The following MACROD2 variants were observed in gnomAD, a reference collection of about 807,000 sequenced individuals.
MACROD2 encodes mono-ADP ribosylhydrolase 2, also known as ADP-ribose glycohydrolase MACROD2.
Under a neutral mutation model 70.4 loss-of-function variants are expected in MACROD2, and 36 were observed. The observed-to-expected ratio is 0.51, with a 90% CI of 0.39 to 0.68. The LOEUF is 0.68. MACROD2 is among the 30% of genes least tolerant of loss of function. The pLI is 0.00. For missense variants in MACROD2, 496 were observed against 538.4 expected, an observed-to-expected ratio of 0.92 and a Z score of 0.78; for synonymous variants, 172 against 178.8, an observed-to-expected ratio of 0.96 and a Z score of 0.30.
chr20:15,551,337 TAA>T (rs149415845), intron 8 of MACROD2, among the ~76,000 whole-genome samples: 3,162 of 143,552 alleles, frequency 0.022, 124 homozygotes, highest in African/African-American at 0.071. Flanking sequence ...ATTTAATATT[TAA>T]AAAAAAAAAA....
At chr20:15,013,354 A>G (rs943717546) in intron 5 of MACROD2, among the ~76,000 whole-genome samples, 8 of 152,100 alleles carry the variant, frequency 5.3e-5, no homozygotes, top group African/African-American at 1.9e-4. Flanking sequence ...TGTGGCAAAT[A>G]TATTCTTGCT....
intron 6 of MACROD2, among the ~76,000 whole-genome samples, chr20:15,252,619 C>T (rs2077165674): frequency 6.6e-6 from 1 of 152,176 alleles, no homozygotes; most frequent in African/African-American, 2.4e-5. Flanking sequence ...ATAATCCTCC[C>T]TCAGGAAAAA....
chr20:15,714,070 C>T (rs2050672291), intron 8 of MACROD2, among the ~76,000 whole-genome samples: 2 of 150,986 alleles, frequency 1.3e-5, no homozygotes, highest in Admixed American at 1.3e-4. Context: ...GGTTTATAAC[C>T]ATGCCCCACC....
chr20:14,642,375 G>A (rs941359577), intron 4 of MACROD2, among the ~76,000 whole-genome samples: 1 of 152,128 alleles, frequency 6.6e-6, no homozygotes, highest in Admixed American at 6.6e-5. Flanking sequence ...TATCATTCGT[G>A]TGTTCACTGG....
In MACROD2 at chr20:14,297,490, G is replaced by A. The variant is rs943133800; in HGVS notation, c.272-195989G>A. ...GGAAAACAGCTTTACTGCTAATGTG[G>A]AGAAAGTTTGAGTGGTCTGGAAAGA... On this transcript the variant is annotated intron_variant, in intron 3 of 17. Transcript: ENST00000684519. Among the ~76,000 whole-genome samples, 10 of 151,996 alleles carry A rather than the reference G, an allele frequency of 6.6e-5. 1 individual carries two copies. The highest frequency in any genetic ancestry group is 2.4e-4 in the African/African-American group (10 of 41,342).
At chr20:14,908,284 T>A (rs558071294) in intron 5 of MACROD2, among the ~76,000 whole-genome samples, 123 of 152,218 alleles carry the variant, frequency 8.1e-4, no homozygotes, top group Admixed American at 3.4e-3. Context: ...GCGGTTGCAG[T>A]GAGCTGAGAT....
At chr20:14,573,078 T>C (rs1330976447) in intron 4 of MACROD2, among the ~76,000 whole-genome samples, 2 of 151,460 alleles carry the variant, frequency 1.3e-5, no homozygotes, top group Non-Finnish European at 2.9e-5. Context: ...TTTTGCATAG[T>C]GTTTAGTGTG....
chr20:15,249,885 G>A (rs997901471), intron 6 of MACROD2, among the ~76,000 whole-genome samples: 18 of 152,202 alleles, frequency 1.2e-4, no homozygotes, highest in African/African-American at 3.9e-4. Flanking sequence ...AATAATTGTG[G>A]TTATTTAAGA....
chr20:15,027,824 C>T (rs6131629), intron 5 of MACROD2, among the ~76,000 whole-genome samples: 52,373 of 151,714 alleles, frequency 0.35, 9,102 homozygotes, highest in Admixed American at 0.44. Context: ...ATCTAAATAT[C>T]TCAAAATTAT....
intron 5 of MACROD2, among the ~76,000 whole-genome samples, chr20:14,858,086 G>T (rs2073275342): frequency 6.6e-6 from 1 of 152,148 alleles, no homozygotes; most frequent in Non-Finnish European, 1.5e-5. Flanking sequence ...CCTCCAAAGT[G>T]CTGGGATTAC....
At chr20:15,095,776 C>T (rs556132252) in intron 5 of MACROD2, among the ~76,000 whole-genome samples, 5 of 152,072 alleles carry the variant, frequency 3.3e-5, no homozygotes, top group African/African-American at 9.7e-5. Flanking sequence ...CTTGGCCTCC[C>T]GAAGTGCTGG....
chr20:14,908,149 G>T (rs2073982034), intron 5 of MACROD2, among the ~76,000 whole-genome samples: 1 of 152,088 alleles, frequency 6.6e-6, no homozygotes, highest in South Asian at 2.1e-4. Context: ...TTCGAGACCA[G>T]TCTGGCCAAC....
chr20:14,702,130 A>G (rs1372809297), intron 5 of MACROD2, among the ~76,000 whole-genome samples: 1 of 151,976 alleles, frequency 6.6e-6, no homozygotes, highest in African/African-American at 2.4e-5. Flanking sequence ...TCTAATGAAA[A>G]CTGATGATGC....
At chr20:15,572,825 C>T (rs113037643) in intron 8 of MACROD2, among the ~76,000 whole-genome samples, 18 of 152,000 alleles carry the variant, frequency 1.2e-4, no homozygotes, top group African/African-American at 3.9e-4. Context: ...ACATGCAAAG[C>T]CTGAGAAAGA....
At chr20:15,693,567 A>G (rs1343229102) in intron 8 of MACROD2, among the ~76,000 whole-genome samples, 1 of 152,148 alleles carries the variant, frequency 6.6e-6, no homozygotes, top group Non-Finnish European at 1.5e-5. Flanking sequence ...TGGAAACTTC[A>G]TCTTCACTAA....
At chr20:14,078,211 C>T (rs950818706) in intron 2 of MACROD2, among the ~76,000 whole-genome samples, 9 of 150,944 alleles carry the variant, frequency 6.0e-5, no homozygotes, top group Admixed American at 5.3e-4. Flanking sequence ...CGCCTCTTTA[C>T]CTTTTAAGTA....
intron 2 of MACROD2, among the ~76,000 whole-genome samples, chr20:14,046,441 G>A (rs2053476115): frequency 6.6e-6 from 1 of 152,190 alleles, no homozygotes. Context: ...GGAACTCTTA[G>A]ACAGCTGGTA....
chr20:14,559,279 A>G (rs373827067), intron 4 of MACROD2, among the ~76,000 whole-genome samples: 7 of 151,746 alleles, frequency 4.6e-5, no homozygotes, highest in African/African-American at 1.7e-4. Context: ...TGTATGTTAA[A>G]CATTTTAGCA....
intron 13 of MACROD2, among the ~76,000 whole-genome samples, chr20:15,978,602 CTCT>C (rs1388079272): frequency 6.6e-6 from 1 of 152,024 alleles, no homozygotes; most frequent in Non-Finnish European, 1.5e-5. Flanking sequence ...CTCTCTCTCT[CTCT>C]CTCTCTCTCT....
Sources: gnomAD v4.1 joint callset for allele counts (sites outside exome capture counted in the v4.1 genomes callset) on GRCh38, gnomAD v4.1.1 for gene constraint, MANE v1.5 for transcripts, NCBI Gene and HGNC (gene_info 2026-07-23, HGNC 2026-07-21) for gene names.